SUN3: variants seen among roughly 807,000 people sequenced by gnomAD.
The protein encoded by SUN3 is SUN domain-containing protein 3.
SUN3 carries 36 observed loss-of-function variants against 48.2 expected under a neutral mutation model. The observed-to-expected ratio is 0.75, with a 90% confidence interval of 0.57 to 0.99. The LOEUF is 0.99. Ranked by LOEUF, SUN3 falls within the 50% of genes least tolerant of loss-of-function variation. The probability of loss-of-function intolerance (pLI) is 0.00; values close to 1 mark genes in which losing one functional copy is unlikely to be tolerated. For missense variants in SUN3, 419 were observed against 433.1 expected, an observed-to-expected ratio of 0.97 and a Z score of 0.29; for synonymous variants, 148 against 147.9, an observed-to-expected ratio of 1.00 and a Z score of 0.00.
In SUN3 at chr7:48,025,874, T is replaced by G; in HGVS notation, c.184+3A>C. 1 of 1,590,522 alleles carries G rather than the reference T, an allele frequency of 6.3e-7. No individual in the cohort carries two copies. The highest frequency in any genetic ancestry group is 8.6e-7 in the Non-Finnish European group (1 of 1,161,514). ...TTAAGGATCATTACTTAGGAAGACT[T>G]ACCTACAAGAAGAAAAGTCAGTGTA... On this transcript the variant is annotated splice_donor_region_variant and intron_variant, in intron 2 of 9. Transcript: ENST00000297325.
At position 48,028,829 on chromosome 7, in the gene SUN3, G is replaced by A; in HGVS notation, c.110C>T (p.Pro37Leu). The A allele has an allele frequency of 6.2e-7, 1 of 1,613,790 alleles. No homozygotes were observed. The highest frequency in any genetic ancestry group is 8.5e-7 in the Non-Finnish European group (1 of 1,179,778). ...CATGTTTACCTACCCATTCGCATCA[G>A]GATTTTCGTCCTCTGATAACAAAGC... Reference protein sequence around the residue: ...GNALLSEDENPDANGVTRSWK... With the variant: ...GNALLSEDENLDANGVTRSWK... The change falls in exon 1 of 10, where the codon CCT becomes CTT. Residue 37 changes from proline (P) to leucine (L), a missense_variant. By Grantham distance (98) the Pro-to-Leu change is moderately conservative. Transcript: ENST00000297325.
chr7:48,007,795 T>G (rs914702803), intron 4 of SUN3, among the ~76,000 whole-genome samples: 6 of 150,992 alleles, frequency 4.0e-5, no homozygotes, highest in African/African-American at 1.5e-4. Flanking sequence ...TTTGACAGCC[T>G]GAGCATGCAA....
At chr7:48,003,600 T>C (rs1562603916) in intron 6 of SUN3, among the ~76,000 whole-genome samples, 1 of 152,230 alleles carries the variant, frequency 6.6e-6, no homozygotes, top group East Asian at 1.9e-4. Flanking sequence ...TGGTTTATAG[T>C]TCTTTTTGTA....
At chr7:48,022,521 C>T (rs1790028158) in intron 2 of SUN3, among the ~76,000 whole-genome samples, 1 of 151,972 alleles carries the variant, frequency 6.6e-6, no homozygotes, top group Admixed American at 6.6e-5. Flanking sequence ...CAAAACATCT[C>T]AGGTACCCCA....
At chr7:48,003,897 T>G (rs1789456700) in intron 6 of SUN3, among the ~76,000 whole-genome samples, 1 of 152,228 alleles carries the variant, frequency 6.6e-6, no homozygotes, top group Non-Finnish European at 1.5e-5. Context: ...ATGCCCTTTA[T>G]TTATTTCTCT....
At chr7:48,009,971 G>A (rs368120213) in intron 3 of SUN3, among the ~76,000 whole-genome samples, 3 of 152,060 alleles carry the variant, frequency 2.0e-5, no homozygotes, top group African/African-American at 7.2e-5. Flanking sequence ...TGTGTCTTCC[G>A]GGCCCTGCCA....
At chr7:48,033,713 C>T (rs561001181), upstream of SUN3, among the ~76,000 whole-genome samples, 4 of 152,174 alleles carry the variant, frequency 2.6e-5, no homozygotes, top group African/African-American at 9.6e-5. Context: ...AATAGAGATG[C>T]TCTTTGGTCA....
chr7:48,007,685 T>C (rs377227591), intron 4 of SUN3, among the ~76,000 whole-genome samples: 2 of 152,164 alleles, frequency 1.3e-5, no homozygotes, highest in East Asian at 3.9e-4. Context: ...TCCGGTGTAG[T>C]ACAGAGCAGT....
At chr7:48,032,205 G>A (rs1790264738), upstream of SUN3, among the ~76,000 whole-genome samples, 1 of 152,210 alleles carries the variant, frequency 6.6e-6, no homozygotes. Context: ...GCTGACTACA[G>A]TTAGCAACAT....
chr7:48,008,128 A>G (rs1171039390), intron 4 of SUN3, among the ~76,000 whole-genome samples: 2 of 152,202 alleles, frequency 1.3e-5, no homozygotes, highest in Non-Finnish European at 2.9e-5. Context: ...CCGGCCAAGA[A>G]TGGGTTTTCT....
At chr7:48,009,763 G>C (rs1383963158) in intron 3 of SUN3, among the ~76,000 whole-genome samples, 1 of 152,146 alleles carries the variant, frequency 6.6e-6, no homozygotes, top group Non-Finnish European at 1.5e-5. Flanking sequence ...CTGCTATGGA[G>C]GTGGTCAGTG....
At chr7:48,019,981 A>G (rs1789943998) in intron 2 of SUN3, among the ~76,000 whole-genome samples, 1 of 121,738 alleles carries the variant, frequency 8.2e-6, no homozygotes, top group Non-Finnish European at 1.5e-5. Flanking sequence ...ACACATCAAA[A>G]AAAAAAAAAA....
the SUN3 span, among the ~76,000 whole-genome samples, chr7:48,035,274 C>G: frequency 6.6e-6 from 1 of 151,980 alleles, no homozygotes; most frequent in Admixed American, 6.5e-5. This position sits in a 1 kb window ranked among gnomAD's most constrained non-coding sequence, Gnocchi z 4.0. Context: ...CGCCCCCACA[C>G]CCCTGCAACA....
intron 5 of SUN3, among the ~76,000 whole-genome samples, chr7:48,006,491 A>T (rs1789528830): frequency 6.6e-6 from 1 of 152,236 alleles, no homozygotes; most frequent in South Asian, 2.1e-4. Context: ...TGCTTATATT[A>T]GACATTTTTC....
chr7:48,017,314 C>T lies in SUN3; in HGVS notation c.236G>A (p.Arg79Lys), dbSNP rs763256242. Residue 79 changes from arginine (R) to lysine (K), a missense_variant, in exon 3 of 10, where the codon AGA becomes AAA. Arg to Lys is a conservative substitution (Grantham distance 26, BLOSUM62 2). Transcript: ENST00000297325. ...LKETDVPQKS[R>K]QLYAIIAEYG... ...TTCTGCAATTATGGCATATAATTGT[C>T]TGGATTTCTGAGGAACATCTGTTTC... 1 of 1,610,162 alleles carries T rather than the reference C, an allele frequency of 6.2e-7. No individual in the cohort carries two copies. Among genetic ancestry groups the T allele is most frequent in the Non-Finnish European group, 8.5e-7 (1 of 1,177,740 alleles).
In SUN3 at chr7:48,028,810, T is replaced by C. The variant is rs1249213128; in HGVS notation, c.122+7A>G. On this transcript the variant is annotated splice_region_variant and intron_variant, in intron 1 of 9. Transcript: ENST00000297325. The stretch of plus-strand genomic sequence containing the variant: ...TTCAGGCACACCGTTCTGCCATGTT[T>C]ACCTACCCATTCGCATCAGGATTTT... 7 of 1,613,578 alleles carry C rather than the reference T, an allele frequency of 4.3e-6. No homozygotes were observed. Among genetic ancestry groups the C allele is most frequent in the Non-Finnish European group, 5.9e-6 (7 of 1,179,608 alleles).
At chr7:48,007,117 G>A (rs1574242) in intron 5 of SUN3, 48 bp downstream of exon 5, 648,070 of 1,535,894 alleles carry the variant, frequency 0.42, 141,663 homozygotes, top group African/African-American at 0.62. Flanking sequence ...GGACATCCGC[G>A]CTAACCACCA....
intron 3 of SUN3, among the ~76,000 whole-genome samples, chr7:48,013,909 A>G (rs1208931522): frequency 6.6e-6 from 1 of 152,100 alleles, no homozygotes; most frequent in Non-Finnish European, 1.5e-5. Flanking sequence ...AAATTAAATG[A>G]TCATAGGTCA....
chr7:48,035,438 G>C, the SUN3 span: 1 of 684,070 alleles, frequency 1.5e-6, no homozygotes, highest in Non-Finnish European at 2.6e-6. This position sits in a 1 kb window ranked among gnomAD's most constrained non-coding sequence, Gnocchi z 4.0. Context: ...TCCCCCTCAG[G>C]CTTCCCCTAT....
Sources: gnomAD v4.1 joint callset for allele counts (sites outside exome capture counted in the v4.1 genomes callset) on GRCh38, gnomAD v4.1.1 for gene constraint, Gnocchi (gnomAD v3.1) non-coding constraint, MANE v1.5 for transcripts, NCBI Gene and HGNC (gene_info 2026-07-23, HGNC 2026-07-21) for gene names.